Variants in UBAP2L observed in about 807,000 individuals in gnomAD.
UBAP2L encodes the protein ubiquitin associated protein 2 like.
Under a neutral mutation model 130.6 loss-of-function variants are expected in UBAP2L, and 12 were observed. The observed-to-expected ratio is 0.09, with a 90% CI of 0.06 to 0.15. The LOEUF (loss-of-function observed/expected upper bound fraction) is 0.15. UBAP2L is among the 10% of genes least tolerant of loss of function. UBAP2L has a pLI of 1.00. For synonymous variants in UBAP2L, 503 were observed against 524.7 expected, an observed-to-expected ratio of 0.96 and a Z score of 0.57; for missense variants, 965 against 1,332.5, an observed-to-expected ratio of 0.72 and a Z score of 4.29.
intron 6 of UBAP2L, among the ~76,000 whole-genome samples, chr1:154,236,315 C>T (rs113984861): frequency 0.021 from 3,134 of 152,286 alleles, 45 homozygotes; most frequent in Middle Eastern, 0.065. Flanking sequence ...CCTCCTGCCT[C>T]AGCCCCTCAA....
intron 12 of UBAP2L, 106 bp from the exon 13 acceptor site, chr1:154,250,935 G>A (rs1677407751): frequency 1.1e-5 from 14 of 1,231,926 alleles, no homozygotes; most frequent in Non-Finnish European, 1.6e-5. Flanking sequence ...GCTTATATGA[G>A]TTTCTGATTT....
chr1:154,249,216 C>A, intron 11 of UBAP2L, 23 bp from the exon 12 acceptor site: 2 of 1,612,802 alleles, frequency 1.2e-6, no homozygotes, highest in South Asian at 2.2e-5. Context: ...GTAGGTTTCT[C>A]TCATCTCTTT....
chr1:154,243,025 CT>C, intron 9 of UBAP2L, 191 bp from the exon 10 acceptor site: 1 of 442,314 alleles, frequency 2.3e-6, no homozygotes, highest in Non-Finnish European at 4.1e-6. Context: ...TGCTTCTACT[CT>C]TTCTTTGGCT....
chr1:154,229,849 C>A (rs969184792), intron 4 of UBAP2L, among the ~76,000 whole-genome samples: 1 of 152,152 alleles, frequency 6.6e-6, no homozygotes, highest in Non-Finnish European at 1.5e-5. Flanking sequence ...TTCATCCTTA[C>A]AGATAACAAC....
chr1:154,261,567 C>T, intron 23 of UBAP2L, 25 bp from the exon 24 acceptor site: 1 of 1,610,948 alleles, frequency 6.2e-7, no homozygotes, highest in Non-Finnish European at 8.5e-7. Context: ...CAAGTCACTG[C>T]AAATCTGGCC....
chr1:154,261,182 G>A lies in UBAP2L; in HGVS notation c.2796+73G>A, dbSNP rs773320112. On this transcript the variant is annotated intron_variant, in intron 23 of 26. Coordinates refer to ENST00000428931, the MANE Select transcript of UBAP2L (RefSeq NM_014847.4). ...TGGACACTATCCTAGCTGCTTTTAA[G>A]GGTCAATGACTTTAATAATGGATGA... 86 of 1,481,350 alleles carry A rather than the reference G, an allele frequency of 5.8e-5. No homozygotes were observed. Among genetic ancestry groups the A allele is most frequent in the Non-Finnish European group, 7.2e-5 (79 of 1,096,820 alleles). 91.8% of individuals were successfully genotyped at this position (1,481,350 alleles called of 1,614,324 possible). A position where few individuals can be genotyped will look rare whatever the true frequency, so the allele number is the denominator to read the frequency against.
chr1:154,238,154 C>T (rs1307994587), intron 8 of UBAP2L, among the ~76,000 whole-genome samples: 1 of 152,154 alleles, frequency 6.6e-6, no homozygotes, highest in Non-Finnish European at 1.5e-5. Flanking sequence ...TATATTATTC[C>T]TGAGGCTCTG....
At chr1:154,268,705 A>C (rs1684072538) in intron 25 of UBAP2L, 52 bp from the exon 26 acceptor site, 9 of 1,587,712 alleles carry the variant, frequency 5.7e-6, no homozygotes, top group South Asian at 5.6e-5. Flanking sequence ...AAAAATCCCA[A>C]GACTAGTTTG....
At chr1:154,240,390 C>G (rs1390315157) in intron 8 of UBAP2L, among the ~76,000 whole-genome samples, 1 of 151,940 alleles carries the variant, frequency 6.6e-6, no homozygotes, top group Non-Finnish European at 1.5e-5. Context: ...TTGGATTTCT[C>G]CAGTAGAAAC....
chr1:154,220,276 G>A, upstream of UBAP2L: 19 of 1,577,236 alleles, frequency 1.2e-5, no homozygotes, highest in Non-Finnish European at 1.6e-5. Flanking sequence ...ACGGGGTACA[G>A]CTCAAAAGGA....
rs764302169 is a variant in UBAP2L, at chr1:154,254,896, T to C, written c.1909+6T>C. On this transcript the variant is annotated splice_donor_region_variant and intron_variant, in intron 16 of 26. Transcript: ENST00000428931. Reference sequence around the variant, plus strand: ...GACCACACAATCTGTTGAAGGTGAGTGTTCTTCAGGCTTTTCCCCTCCTAA... The same window carrying C: ...GACCACACAATCTGTTGAAGGTGAGCGTTCTTCAGGCTTTTCCCCTCCTAA... The C allele has an allele frequency of 5.0e-6, 8 of 1,598,470 alleles. 1 individual carries two copies. In the South Asian group the frequency reaches 9.2e-5, roughly 18 times the overall value.
At chr1:154,232,193 G>A (rs1411995300) in intron 4 of UBAP2L, among the ~76,000 whole-genome samples, 1 of 152,060 alleles carries the variant, frequency 6.6e-6, no homozygotes, top group African/African-American at 2.4e-5. Flanking sequence ...TGGGCCTGGT[G>A]GTGCCCTGTA....
intron 2 of UBAP2L, among the ~76,000 whole-genome samples, chr1:154,226,479 T>G (rs1667970515): frequency 6.6e-6 from 1 of 152,242 alleles, no homozygotes; most frequent in Admixed American, 6.5e-5. Flanking sequence ...TTACGCATTT[T>G]TCTTTCATCT....
chr1:154,222,543 C>T (rs1418595458), intron 1 of UBAP2L, among the ~76,000 whole-genome samples: 1 of 152,180 alleles, frequency 6.6e-6, no homozygotes, highest in African/African-American at 2.4e-5. Flanking sequence ...TTTAAAGCTC[C>T]TCCTTGCTAT....
At chr1:154,252,670 C>T (rs934203481) in intron 14 of UBAP2L, among the ~76,000 whole-genome samples, 1 of 152,110 alleles carries the variant, frequency 6.6e-6, no homozygotes, top group Non-Finnish European at 1.5e-5. Context: ...AGCAATTCTC[C>T]TGCCTCAGCC....
chr1:154,269,129 G>A, intron 26 of UBAP2L, 175 bp downstream of exon 26: 4 of 939,502 alleles, frequency 4.3e-6, no homozygotes, highest in Non-Finnish European at 6.3e-6. Context: ...CGAGCGGCCG[G>A]CAAAGGAAAT....
At chr1:154,254,175 G>A (rs1266420397) in intron 15 of UBAP2L, 86 bp downstream of exon 15, 1 of 1,238,892 alleles carries the variant, frequency 8.1e-7, no homozygotes, top group Non-Finnish European at 1.1e-6. Context: ...TTTTCAGCAA[G>A]TGGTGCTAAG....
intron 9 of UBAP2L, among the ~76,000 whole-genome samples, chr1:154,242,145 A>G (rs1673796977): frequency 6.6e-6 from 1 of 152,236 alleles, no homozygotes. Flanking sequence ...GCACGTAAAC[A>G]AGCTCTGTGA....
chr1:154,234,425 A>G (rs1670952020), intron 4 of UBAP2L, among the ~76,000 whole-genome samples, 166 bp from the exon 5 acceptor site: 1 of 152,106 alleles, frequency 6.6e-6, no homozygotes, highest in African/African-American at 2.4e-5. Context: ...TTTTGTAGTG[A>G]TATGTATAAA....
Sources: gnomAD v4.1 joint callset for allele counts (sites outside exome capture counted in the v4.1 genomes callset) on GRCh38, gnomAD v4.1.1 for gene constraint, MANE v1.5 for transcripts, NCBI Gene and HGNC (gene_info 2026-07-23, HGNC 2026-07-21) for gene names.